The following ARHGEF10L variants were observed in gnomAD, a reference collection of about 807,000 sequenced individuals.
ARHGEF10L encodes the protein rho guanine nucleotide exchange factor 10-like protein.
ARHGEF10L carries 69 observed loss-of-function variants against 141.2 expected under a neutral mutation model. The ratio of observed to expected loss-of-function variants is 0.49; its 90% CI spans 0.40 to 0.60. The LOEUF is 0.60. ARHGEF10L is among the 20% of genes least tolerant of loss of function. The pLI is 0.00. For missense variants in ARHGEF10L, 1,482 were observed against 1,734.3 expected (o/e 0.85, Z 2.58); for synonymous variants, 711 against 718.5 (o/e 0.99, Z 0.17).
intron 4 of ARHGEF10L, among the ~76,000 whole-genome samples, chr1:17,593,393 A>G (rs2079767225): frequency 6.6e-6 from 1 of 152,156 alleles, no homozygotes; most frequent in Non-Finnish European, 1.5e-5. Context: ...GCTGCGTGGC[A>G]AAGGGACTTG....
At chr1:17,530,038 G>T in the ARHGEF10L span, among the ~76,000 whole-genome samples, 47 of 151,970 alleles carry the variant, frequency 3.1e-4, no homozygotes, top group African/African-American at 1.0e-3. Context: ...TCACCATGTT[G>T]GCCAGGCTGG....
the ARHGEF10L span, among the ~76,000 whole-genome samples, chr1:17,525,875 C>T: frequency 2.0e-3 from 304 of 151,118 alleles, 2 homozygotes; most frequent in African/African-American, 6.9e-3. Context: ...TGGTGGCGTG[C>T]GCCTGTGTCC....
Position 17,656,340 on chromosome 1 carries a change from C to T in ARHGEF10L, c.2706-214C>T, listed in dbSNP as rs908132356. On this transcript the variant is annotated intron_variant, in intron 24 of 28. Transcript: ENST00000361221. The surrounding 1 kb of genome is among the most constrained non-coding windows in gnomAD (Gnocchi z 4.9). The stretch of plus-strand genomic sequence containing the variant: ...GCTGGCTCTTTTGCCTCCCTGAGTC[C>T]TCTTCGTGACAGAGGTGTCAGGGAG... 3.3e-5 allele frequency among the ~76,000 whole-genome samples: 5 copies of T among 152,344 alleles called. No homozygotes were observed. The highest frequency in any genetic ancestry group is 7.3e-5 in the Non-Finnish European group (5 of 68,034).
intron 1 of ARHGEF10L, among the ~76,000 whole-genome samples, chr1:17,542,818 C>T (rs983123491): frequency 6.6e-6 from 1 of 152,128 alleles, no homozygotes; most frequent in Non-Finnish European, 1.5e-5. Flanking sequence ...ACTGCTGAAG[C>T]GAGTCAGCGA....
intron 15 of ARHGEF10L, among the ~76,000 whole-genome samples, chr1:17,631,104 T>C (rs868425138): frequency 1.3e-5 from 2 of 150,810 alleles, no homozygotes; most frequent in South Asian, 2.1e-4. Flanking sequence ...GATCTGTCTT[T>C]TTCTCTTTGG....
At chr1:17,554,224 C>T (rs554371325) in intron 1 of ARHGEF10L, among the ~76,000 whole-genome samples, 1 of 152,162 alleles carries the variant, frequency 6.6e-6, no homozygotes, top group Non-Finnish European at 1.5e-5. Flanking sequence ...GGGTGAGTCA[C>T]AGTGAGGATG....
At chr1:17,683,176 T>G (rs1347177177) in intron 26 of ARHGEF10L, among the ~76,000 whole-genome samples, 4 of 131,244 alleles carry the variant, frequency 3.0e-5, no homozygotes, top group African/African-American at 1.2e-4. Context: ...CTCACCGTGG[T>G]GCTCACTGCC....
intron 1 of ARHGEF10L, among the ~76,000 whole-genome samples, chr1:17,561,369 G>GCACTGGGAGGTGGGGC: frequency 6.6e-6 from 1 of 152,344 alleles, no homozygotes; most frequent in African/African-American, 2.4e-5. Context: ...CACAGTGGGG[G>GCACTGGGAGGTGGGGC]CACTGGGAGG....
chr1:17,619,123 A>G lies in ARHGEF10L; in HGVS notation c.836-216A>G, dbSNP rs1444501294. 1.3e-5 allele frequency among the ~76,000 whole-genome samples: 2 copies of G among 151,944 alleles called. No individual in the cohort carries two copies. Among genetic ancestry groups the G allele is most frequent in the African/African-American group, 4.8e-5 (2 of 41,334 alleles). ...TTCACCCTCTCGCTCACTTGCTCAC[A>G]ATTATTCACTGATGGAATGTTCCAG... On this transcript the variant is annotated intron_variant, in intron 9 of 28. Coordinates refer to ENST00000361221, the MANE Select transcript of ARHGEF10L (RefSeq NM_018125.4). This position sits in a 1 kb window ranked among gnomAD's most constrained non-coding sequence, Gnocchi z 5.0.
chr1:17,534,352 G>A, the ARHGEF10L span, among the ~76,000 whole-genome samples: 2 of 152,172 alleles, frequency 1.3e-5, no homozygotes, highest in Non-Finnish European at 2.9e-5. Context: ...TCGAGCTCCT[G>A]ACCTTGTGAT....
At chr1:17,646,965 TG>T (rs764581376) in intron 21 of ARHGEF10L, among the ~76,000 whole-genome samples, 23 of 151,250 alleles carry the variant, frequency 1.5e-4, no homozygotes, top group Non-Finnish European at 3.4e-4. Flanking sequence ...CGAGGCCAGG[TG>T]TAAGTTTTAG....
At chr1:17,580,502 A>G in intron 1 of ARHGEF10L, 51 bp from the exon 2 acceptor site, 2 of 1,535,840 alleles carry the variant, frequency 1.3e-6, no homozygotes, top group Admixed American at 1.7e-5. Context: ...TCAGTAGCTG[A>G]AACTGCAGCC....
upstream of ARHGEF10L, among the ~76,000 whole-genome samples, chr1:17,539,406 G>A (rs1385940802): frequency 2.0e-5 from 3 of 152,228 alleles, no homozygotes; most frequent in Non-Finnish European, 4.4e-5. This position sits in a 1 kb window ranked among gnomAD's most constrained non-coding sequence, Gnocchi z 6.0. Context: ...ACCGGGGAAG[G>A]AGAACCGGGA....
At position 17,626,038 on chromosome 1, in the gene ARHGEF10L, T is replaced by C; in HGVS notation, c.1400T>C (p.Leu467Pro). The C allele has an allele frequency of 6.2e-7, 1 of 1,613,886 alleles. No individual in the cohort carries two copies. Among genetic ancestry groups the C allele is most frequent in the Non-Finnish European group, 8.5e-7 (1 of 1,179,850 alleles). ...ATCCAGAGGTTCCCACAGTTCATAC[T>C]CCTGCTTCAGGTACTGCTCAGGATT... Reference protein sequence around the residue: ...KPIQRFPQFILLLQDMLKNTP... With the variant: ...KPIQRFPQFIPLLQDMLKNTP... The change falls in exon 14 of 29, where the codon CTC becomes CCC. Residue 467 changes from leucine to proline, a missense_variant. Physicochemically the swap from Leu to Pro is moderately conservative, Grantham distance 98 (BLOSUM62 -3). This residue lies in a region of ARHGEF10L where 392 missense variants were observed against 542.1 expected (regional missense o/e 0.72). Coordinates refer to ENST00000361221, the MANE Select transcript of ARHGEF10L (RefSeq NM_018125.4).
At chr1:17,601,512 C>T (rs1167968695) in intron 4 of ARHGEF10L, among the ~76,000 whole-genome samples, 2 of 152,168 alleles carry the variant, frequency 1.3e-5, no homozygotes, top group African/African-American at 4.8e-5. Flanking sequence ...GTGGCATGAT[C>T]TTGGGTCACT....
chr1:17,560,857 G>T (rs755829844), intron 1 of ARHGEF10L, among the ~76,000 whole-genome samples: 2 of 152,224 alleles, frequency 1.3e-5, no homozygotes, highest in Non-Finnish European at 2.9e-5. Context: ...GAGCCACTGC[G>T]CCTGGCCCTC....
chr1:17,540,383 G>C (rs1474645636), intron 1 of ARHGEF10L, among the ~76,000 whole-genome samples: 1 of 151,956 alleles, frequency 6.6e-6, no homozygotes, highest in African/African-American at 2.4e-5. Context: ...TGGTGAGTCA[G>C]CCTCTCCCAC....
the ARHGEF10L span, among the ~76,000 whole-genome samples, chr1:17,518,565 G>A: frequency 1.3e-5 from 2 of 152,086 alleles, no homozygotes; most frequent in Non-Finnish European, 2.9e-5. Flanking sequence ...GCTGAGGCGG[G>A]CAGATCACCT....
chr1:17,690,109 A>G (rs2064986901), intron 27 of ARHGEF10L, among the ~76,000 whole-genome samples: 1 of 152,228 alleles, frequency 6.6e-6, no homozygotes, highest in African/African-American at 2.4e-5. Flanking sequence ...AGCCAGGAGC[A>G]GCCCCACGGA....
Sources: allele counts gnomAD v4.1 joint callset (sites outside exome capture counted in the v4.1 genomes callset), GRCh38; gene constraint gnomAD v4.1.1; regional missense constraint gnomAD v4.1.1; non-coding constraint Gnocchi (gnomAD v3.1); transcripts MANE v1.5; gene names NCBI Gene and HGNC (gene_info 2026-07-23, HGNC 2026-07-21).